HDAC9: variants seen among roughly 807,000 people sequenced by gnomAD.
The protein encoded by HDAC9 is MEF-2 interacting transcription repressor (MITR) protein.
In HDAC9, 41 loss-of-function variants were observed where a neutral mutation model predicts 139.4. That is an observed-to-expected ratio of 0.29 (90% CI 0.23 to 0.38). HDAC9 has a LOEUF of 0.38. HDAC9 is among the 10% of genes least tolerant of loss of function. The probability of loss-of-function intolerance (pLI) is 1.00; values close to 1 mark genes in which losing one functional copy is unlikely to be tolerated. For missense variants in HDAC9, 1,147 were observed against 1,297.0 expected (o/e 0.88, Z 1.78); for synonymous variants, 517 against 476.2 (o/e 1.09, Z -1.12).
intron 12 of HDAC9, among the ~76,000 whole-genome samples, chr7:18,673,372 C>T (rs1409704976): frequency 3.3e-5 from 5 of 152,160 alleles, no homozygotes; most frequent in Non-Finnish European, 7.4e-5. Context: ...TAAATTTGCT[C>T]TGTCCAAACT....
chr7:18,819,798 C>T (rs1794830078), intron 17 of HDAC9, among the ~76,000 whole-genome samples: 1 of 152,120 alleles, frequency 6.6e-6, no homozygotes, highest in Non-Finnish European at 1.5e-5. Context: ...GAAAGTAAAA[C>T]TTGAGAAGAA....
intron 25 of HDAC9, among the ~76,000 whole-genome samples, chr7:18,984,890 G>A (rs943986179): frequency 5.3e-5 from 8 of 152,020 alleles, no homozygotes; most frequent in African/African-American, 1.7e-4. Flanking sequence ...GTATTGTTAT[G>A]GTAGGTGTGA....
intron 6 of HDAC9, among the ~76,000 whole-genome samples, chr7:18,626,841 A>G (rs991103908): frequency 6.6e-6 from 1 of 152,106 alleles, no homozygotes; most frequent in African/African-American, 2.4e-5. Flanking sequence ...TAAATGGCAT[A>G]TGCTATTTTT....
At chr7:18,811,541 C>T (rs1358870774) in intron 17 of HDAC9, among the ~76,000 whole-genome samples, 1 of 151,678 alleles carries the variant, frequency 6.6e-6, no homozygotes, top group African/African-American at 2.4e-5. Flanking sequence ...ATTTTTTCAG[C>T]TATCTCTCTT....
intron 2 of HDAC9, 59 bp from the exon 3 acceptor site, chr7:18,585,222 A>G (rs1829089393): frequency 1.9e-6 from 3 of 1,571,484 alleles, no homozygotes; most frequent in African/African-American, 1.4e-5. Flanking sequence ...TCAATGTGCT[A>G]ATTTCCAATC....
intron 23 of HDAC9, 69 bp downstream of exon 23, chr7:18,936,011 T>TA (rs199999076): frequency 3.3e-4 from 477 of 1,442,822 alleles, no homozygotes; most frequent in African/African-American, 4.6e-4. Context: ...ATTTTTAAAC[T>TA]AAAAAAAAAT....
chr7:18,138,805 A>G (rs186873019), intron 1 of HDAC9, among the ~76,000 whole-genome samples: 26 of 152,298 alleles, frequency 1.7e-4, no homozygotes, highest in Admixed American at 1.2e-3. Flanking sequence ...AAGTCATTCA[A>G]TTAATCAGGG....
intron 21 of HDAC9, 83 bp from the exon 22 acceptor site, chr7:18,874,392 ATTG>A: frequency 1.4e-6 from 1 of 697,992 alleles, no homozygotes. Context: ...GGAGGTTCCT[ATTG>A]TTGTGCCAGG....
intron 1 of HDAC9, among the ~76,000 whole-genome samples, chr7:18,140,786 A>ATC (rs1785843810): frequency 6.6e-6 from 1 of 152,036 alleles, no homozygotes; most frequent in Non-Finnish European, 1.5e-5. Flanking sequence ...ATATATATAT[A>ATC]TTCTGTTTTT....
intron 24 of HDAC9, among the ~76,000 whole-genome samples, chr7:18,974,808 C>T (rs1267435390): frequency 1.3e-5 from 2 of 152,196 alleles, no homozygotes; most frequent in Non-Finnish European, 2.9e-5. Flanking sequence ...CCTGAAAAGC[C>T]TCACTAATGT....
In HDAC9 at chr7:18,294,330, G is replaced by A. The variant is rs78939046; in HGVS notation, c.-42+3815G>A. On this transcript the variant is annotated intron_variant, in intron 1 of 3. Transcript: ENST00000413509. The stretch of plus-strand genomic sequence containing the variant: ...GGTATTTAACTAATGTTCTTATTCC[G>A]TGGTTTCTTCACCTGTAAAATGATA... Among the ~76,000 whole-genome samples the A allele has an allele frequency of 2.8e-3, 433 of 152,104 alleles. 2 individuals carry two copies. The highest frequency in any genetic ancestry group is 9.5e-3 in the African/African-American group (395 of 41,508).
intron 1 of HDAC9, among the ~76,000 whole-genome samples, chr7:18,137,836 G>C (rs201808982): frequency 6.6e-6 from 1 of 152,162 alleles, no homozygotes; most frequent in East Asian, 1.9e-4. Context: ...AGTTAGGAAG[G>C]ATTCCCTCTT....
At position 18,973,932 on chromosome 7, in the gene HDAC9, C is replaced by G. The variant is rs571902436; in HGVS notation, c.3023-1874C>G. On this transcript the variant is annotated intron_variant, in intron 24 of 25. Transcript: ENST00000686413. ...ATCTTTTAAAAACATAAGCCTGATT[C>G]TATACCTTGTCTGCCTAAAATGCCC... 2.0e-5 allele frequency among the ~76,000 whole-genome samples: 3 copies of G among 152,284 alleles called. 1 individual carries two copies. Among genetic ancestry groups the G allele is most frequent in the African/African-American group, 7.2e-5 (3 of 41,562 alleles).
chr7:18,980,192 C>T (rs1319453973), intron 25 of HDAC9, among the ~76,000 whole-genome samples: 3 of 152,060 alleles, frequency 2.0e-5, no homozygotes, highest in Non-Finnish European at 4.4e-5. Flanking sequence ...TGAAGTCTGA[C>T]TTAGAACATT....
rs1046383131 is a variant in HDAC9, at chr7:18,666,368, A to G, written c.1623A>G (p.Thr541=). The change falls in exon 12 of 26, where the codon ACA becomes ACG. Residue 541 remains threonine (T), a synonymous_variant. Coordinates refer to ENST00000686413, the MANE Select transcript of HDAC9 (RefSeq NM_178425.4). ...RSDSSACVDD[T]LGQVGAVKVK... Reference sequence around the variant, plus strand: ...ACAGCAGTGCTTGTGTGGATGACACACTGGGACAAGTTGGGGCTGTGAAGG... The same window carrying G: ...ACAGCAGTGCTTGTGTGGATGACACGCTGGGACAAGTTGGGGCTGTGAAGG... The G allele has an allele frequency of 6.2e-7, 1 of 1,613,364 alleles. No individual in the cohort carries two copies. Among genetic ancestry groups the G allele is most frequent in the Non-Finnish European group, 8.5e-7 (1 of 1,179,608 alleles).
chr7:18,791,548 T>C (rs1282809598), intron 16 of HDAC9, among the ~76,000 whole-genome samples: 3 of 152,200 alleles, frequency 2.0e-5, no homozygotes, highest in African/African-American at 7.2e-5. Flanking sequence ...GGCAAATGAT[T>C]AGGTCTCAGT....
intron 6 of HDAC9, among the ~76,000 whole-genome samples, chr7:18,603,595 T>G (rs1305283483): frequency 6.6e-6 from 1 of 152,104 alleles, no homozygotes; most frequent in Non-Finnish European, 1.5e-5. Flanking sequence ...AATCTCTCCC[T>G]TTTATTCTTT....
intron 1 of HDAC9, among the ~76,000 whole-genome samples, chr7:18,302,660 C>G (rs1254049322): frequency 6.6e-6 from 1 of 152,170 alleles, no homozygotes; most frequent in Non-Finnish European, 1.5e-5. Context: ...TCATTTGTTT[C>G]AGTTTCTTCA....
In HDAC9 at chr7:18,395,726, T is replaced by C. The variant is rs372470810; in HGVS notation, c.-41-100536T>C. On this transcript the variant is annotated intron_variant, in intron 1 of 3. Transcript: ENST00000413509. ...CAAGACATATTAGACTTTTTAAACA[T>C]GTTACCTTTTTAAACACTCAACCAC... 6.6e-5 allele frequency among the ~76,000 whole-genome samples: 10 copies of C among 152,190 alleles called. No individual in the cohort carries two copies. The East Asian group carries it at 1.7e-3, about 26-fold the overall frequency.
Sources: gnomAD v4.1 joint callset for allele counts (sites outside exome capture counted in the v4.1 genomes callset) on GRCh38, gnomAD v4.1.1 for gene constraint, MANE v1.5 for transcripts, NCBI Gene and HGNC (gene_info 2026-07-23, HGNC 2026-07-21) for gene names.